The following LAD1 variants were observed in gnomAD, a reference collection of about 807,000 sequenced individuals.
LAD1 encodes the protein ladinin-1.
In LAD1, 53 loss-of-function variants were observed where a neutral mutation model predicts 54.2. That is an observed-to-expected ratio of 0.98 (90% CI 0.78 to 1.23). The LOEUF is 1.23. LAD1 is among the 50% of genes most tolerant of loss of function. The pLI, the probability that LAD1 is intolerant of heterozygous loss-of-function variation, is 0.00. For missense variants in LAD1, 637 were observed against 653.3 expected, an observed-to-expected ratio of 0.98 and a Z score of 0.27; for synonymous variants, 231 against 257.7, an observed-to-expected ratio of 0.90 and a Z score of 0.99.
chr1:201,383,466 G>A (rs1247402471), intron 5 of LAD1, 77 bp from the exon 6 acceptor site: 29 of 1,313,568 alleles, frequency 2.2e-5, no homozygotes, highest in Non-Finnish European at 3.1e-5. Context: ...GGCCTGAGGA[G>A]CAGCCCCATC....
intron 1 of LAD1, among the ~76,000 whole-genome samples, chr1:201,394,838 C>T (rs534228841): frequency 6.6e-4 from 100 of 152,302 alleles, no homozygotes; most frequent in African/African-American, 2.3e-3. Flanking sequence ...CAGAGTGCCT[C>T]TCCCCTGACC....
intron 7 of LAD1, 56 bp from the exon 8 acceptor site, chr1:201,382,795 G>T: frequency 7.4e-7 from 1 of 1,354,730 alleles, no homozygotes; most frequent in Non-Finnish European, 1.0e-6. Context: ...AGCGAGGCAT[G>T]TTCAGAGGCC....
chr1:201,391,015 C>T, intron 1 of LAD1: 1 of 443,032 alleles, frequency 2.3e-6, no homozygotes, highest in Admixed American at 2.5e-5. Context: ...TATTTCCTCA[C>T]TCAATTCCCC....
intron 1 of LAD1, chr1:201,391,127 T>C (rs1461519707): frequency 2.2e-6 from 1 of 456,710 alleles, no homozygotes; most frequent in East Asian, 6.9e-5. Context: ...CAGGGGCTCT[T>C]GGAGCCTCCC....
chr1:201,391,007 T>G (rs867887006), intron 1 of LAD1: 46 of 434,994 alleles, frequency 1.1e-4, no homozygotes, highest in Middle Eastern at 1.0e-3. Context: ...CATGGAGATA[T>G]TTCCTCACTC....
intron 1 of LAD1, among the ~76,000 whole-genome samples, chr1:201,397,644 T>C (rs558396322): frequency 6.6e-6 from 1 of 151,838 alleles, no homozygotes; most frequent in South Asian, 2.1e-4. Context: ...AGAAGGAGTG[T>C]CTGGTTTGTA....
chr1:201,386,525 G>C lies in LAD1; in HGVS notation c.836C>G (p.Pro279Arg). ...TGAGGCTGTGGCCCTCTTTGGGGCC[G>C]GCTTAGCATCTGCAGTTGGGCTCTT... ...SEKSPTADAKPAPKRATASEQ... is the reference protein window; with the variant it reads ...SEKSPTADAKRAPKRATASEQ... The change falls in exon 3 of 10, where the codon CCG (proline) becomes CGG (arginine). Residue 279 changes from proline (P) to arginine (R), a missense_variant. Pro to Arg is a moderately radical substitution (Grantham distance 103). Coordinates refer to ENST00000391967, the MANE Select transcript of LAD1 (RefSeq NM_005558.4). 1 of 1,604,026 alleles carries C rather than the reference G, an allele frequency of 6.2e-7. No individual in the cohort carries two copies. The highest frequency in any genetic ancestry group is 1.1e-5 in the South Asian group (1 of 89,226).
intron 5 of LAD1, among the ~76,000 whole-genome samples, chr1:201,383,948 C>T (rs1367258502): frequency 6.6e-6 from 1 of 152,218 alleles, no homozygotes; most frequent in Admixed American, 6.5e-5. Context: ...TCCAGTTTTA[C>T]ATGAGCAAAC....
At chr1:201,385,866 A>G in intron 3 of LAD1, 61 bp from the exon 4 acceptor site, 1 of 1,225,718 alleles carries the variant, frequency 8.2e-7, no homozygotes, top group Non-Finnish European at 1.2e-6. Context: ...CGGGGCAGCC[A>G]TAAACCCCAT....
intron 5 of LAD1, 62 bp downstream of exon 5, chr1:201,384,730 G>T: frequency 6.5e-7 from 1 of 1,543,560 alleles, no homozygotes; most frequent in Non-Finnish European, 9.0e-7. Context: ...GCGGGTGCAG[G>T]TACTCAGAAA....
Position 201,386,484 on chromosome 1 carries a change from G to A in LAD1, c.877C>T (p.Gln293Ter). The change falls in exon 3 of 10, where the codon CAG (glutamine) becomes TAG (stop). Residue 293 changes from glutamine (Q) to a stop codon, truncating the protein, a stop_gained. Transcript: ENST00000391967. LOFTEE classifies it high-confidence loss of function. ...CTTCCCCCAGAGGCTGGCGGCTCCT[G>A]CGCCAGGGGCTGCTCTGAGGCTGTG... is the stretch of plus-strand genomic sequence containing the variant. ...RATASEQPLAQEPPASGGSPA... is the reference protein window; with the variant it reads ...RATASEQPLA The A allele has an allele frequency of 6.4e-7, 1 of 1,556,628 alleles. No homozygotes were observed. Among genetic ancestry groups the A allele is most frequent in the East Asian group, 2.2e-5 (1 of 44,500 alleles).
At chr1:201,387,591 C>G (rs948565732) in intron 2 of LAD1, among the ~76,000 whole-genome samples, 1 of 152,184 alleles carries the variant, frequency 6.6e-6, no homozygotes, top group Non-Finnish European at 1.5e-5. Context: ...CGTGGGGGAG[C>G]TGGGAGCAGA....
Position 201,392,543 on chromosome 1 carries a change from A to G in LAD1, c.39-3240T>C, listed in dbSNP as rs1662213689. On this transcript the variant is annotated intron_variant, in intron 1 of 9. Coordinates refer to ENST00000391967, the MANE Select transcript of LAD1 (RefSeq NM_005558.4). ...AGCCAGATCCGTCAGCCAGTGTTCC[A>G]GGAGGAGGATCCAGCCAGTGCAGAG... Among the ~76,000 whole-genome samples the G allele has an allele frequency of 1.3e-5, 2 of 152,234 alleles. 1 individual carries two copies. The highest frequency in any genetic ancestry group is 4.1e-4 in the South Asian group (2 of 4,830).
chr1:201,395,974 A>T (rs918823478), intron 1 of LAD1, among the ~76,000 whole-genome samples: 1 of 152,196 alleles, frequency 6.6e-6, no homozygotes, highest in Non-Finnish European at 1.5e-5. Context: ...GAGGGAACAG[A>T]GGCCCAAGAG....
At chr1:201,382,181 G>A (rs542310518) in intron 9 of LAD1, 71 bp downstream of exon 9, 45 of 1,285,392 alleles carry the variant, frequency 3.5e-5, no homozygotes, top group South Asian at 3.1e-4. Context: ...GTGTGCACAC[G>A]GGGACGATGG....
intron 1 of LAD1, among the ~76,000 whole-genome samples, chr1:201,390,655 A>G (rs1341571696): frequency 6.6e-6 from 1 of 152,210 alleles, no homozygotes; most frequent in African/African-American, 2.4e-5. Context: ...CACTTTGGCC[A>G]GACAATTGCG....
intron 1 of LAD1, among the ~76,000 whole-genome samples, chr1:201,392,484 C>T (rs752204648): frequency 3.3e-5 from 5 of 152,192 alleles, no homozygotes; most frequent in Non-Finnish European, 5.9e-5. Flanking sequence ...AAAGCCCCCT[C>T]GGAGAGCCCT....
chr1:201,383,620 C>T (rs543775556), intron 5 of LAD1: 150 of 571,706 alleles, frequency 2.6e-4, no homozygotes, highest in African/African-American at 2.5e-3. Flanking sequence ...ATCCCTTCTC[C>T]CCCATACCTT....
chr1:201,386,265 G>T (rs563329756), intron 3 of LAD1, 70 bp downstream of exon 3: 2 of 1,373,700 alleles, frequency 1.5e-6, no homozygotes, highest in Non-Finnish European at 1.9e-6. Context: ...GGGACTACCT[G>T]GGTGGGACTG....
Sources: allele counts gnomAD v4.1 joint callset (sites outside exome capture counted in the v4.1 genomes callset), GRCh38; gene constraint gnomAD v4.1.1; transcripts MANE v1.5; gene names NCBI Gene and HGNC (gene_info 2026-07-23, HGNC 2026-07-21).